NOL4: variants seen among roughly 807,000 people sequenced by gnomAD.
The protein encoded by NOL4 is nucleolar protein 4.
A neutral mutation model predicts 75.9 loss-of-function variants in NOL4; 17 were observed. That is an observed-to-expected ratio of 0.22 (90% confidence interval 0.15 to 0.34). NOL4 has a LOEUF of 0.34. Ranked by LOEUF, NOL4 falls within the 10% of genes least tolerant of loss-of-function variation. The pLI is 1.00. For synonymous variants in NOL4, 292 were observed against 289.9 expected (o/e 1.01, Z -0.07); for missense variants, 614 against 793.5 (o/e 0.77, Z 2.72).
At position 33,861,139 on chromosome 18, in the gene NOL4, G is replaced by C. The variant is rs1321383622; in HGVS notation, c.1724-8104C>G. ...GCCCGGCTTTGGTATCAGGATGATG[G>C]TGGCCTCATAAAATGAGTTAGGGAG... On this transcript the variant is annotated intron_variant, in intron 10 of 10. Coordinates refer to ENST00000261592, the MANE Select transcript of NOL4 (RefSeq NM_003787.5). Among the ~76,000 whole-genome samples, 12 of 152,090 alleles carry C rather than the reference G, an allele frequency of 7.9e-5. No individual in the cohort carries two copies. The East Asian group carries it at 1.5e-3, about 20-fold the overall frequency.
intron 10 of NOL4, among the ~76,000 whole-genome samples, chr18:33,863,963 C>A (rs2063307295): frequency 6.6e-6 from 1 of 152,324 alleles, no homozygotes. Context: ...AGGTCAATCA[C>A]CATGTGGAAG....
At chr18:34,049,072 G>GCACACA (rs1555704725) in intron 5 of NOL4, among the ~76,000 whole-genome samples, 7 of 126,260 alleles carry the variant, frequency 5.5e-5, no homozygotes, top group East Asian at 2.6e-4. Context: ...ATACAGGCGC[G>GCACACA]CGCACACACA....
chr18:34,125,330 TATATCATATATGTG>T (rs1234561288), intron 2 of NOL4, among the ~76,000 whole-genome samples: 2 of 152,188 alleles, frequency 1.3e-5, no homozygotes, highest in Non-Finnish European at 2.9e-5. Context: ...ACTACAGAAT[TATATCATATATGTG>T]AGTGAATTGT....
At chr18:34,190,310 C>A (rs935641616) in intron 1 of NOL4, among the ~76,000 whole-genome samples, 1 of 151,936 alleles carries the variant, frequency 6.6e-6, no homozygotes, top group Non-Finnish European at 1.5e-5. Context: ...TGTAACAGAT[C>A]GCATGCAAAT....
chr18:34,048,187 CATATA>C (rs2076466896), intron 5 of NOL4, among the ~76,000 whole-genome samples: 1 of 152,076 alleles, frequency 6.6e-6, no homozygotes, highest in Non-Finnish European at 1.5e-5. Flanking sequence ...ATGCCAAAAG[CATATA>C]ATATATTCTT....
chr18:33,958,452 T>C (rs753936612), intron 6 of NOL4, 34 bp from the exon 7 acceptor site: 1 of 1,547,984 alleles, frequency 6.5e-7, no homozygotes, highest in Non-Finnish European at 8.8e-7. Context: ...TGCTTTTAAA[T>C]TCATTGCACA....
intron 5 of NOL4, among the ~76,000 whole-genome samples, chr18:34,027,121 T>G (rs1167474217): frequency 4.6e-5 from 7 of 152,176 alleles, no homozygotes; most frequent in Admixed American, 3.3e-4. Context: ...AAGGCAGGCT[T>G]TAGAAAGAGT....
intron 5 of NOL4, among the ~76,000 whole-genome samples, chr18:34,019,912 G>C (rs2074941088): frequency 6.6e-6 from 1 of 151,668 alleles, no homozygotes; most frequent in Non-Finnish European, 1.5e-5. Context: ...CCATCCCCAT[G>C]GTAATGAGTG....
intron 9 of NOL4, among the ~76,000 whole-genome samples, chr18:33,930,020 A>G (rs1423177127): frequency 1.3e-5 from 2 of 152,130 alleles, no homozygotes; most frequent in African/African-American, 4.8e-5. Context: ...ACATGTACCA[A>G]CAGAATTCAG....
At chr18:33,891,308 G>C (rs945076556) in intron 9 of NOL4, among the ~76,000 whole-genome samples, 2 of 152,050 alleles carry the variant, frequency 1.3e-5, no homozygotes, top group African/African-American at 4.8e-5. Context: ...ATGGGTGAAG[G>C]CATATAAATA....
intron 1 of NOL4, among the ~76,000 whole-genome samples, chr18:34,164,893 A>G (rs1568411295): frequency 1.3e-5 from 2 of 152,112 alleles, no homozygotes; most frequent in Non-Finnish European, 2.9e-5. Context: ...CATATACACC[A>G]TGGAATACTA....
intron 5 of NOL4, among the ~76,000 whole-genome samples, chr18:34,050,689 G>A (rs898412220): frequency 6.6e-6 from 1 of 151,958 alleles, no homozygotes; most frequent in Non-Finnish European, 1.5e-5. Flanking sequence ...TTATTTTTAT[G>A]AGCCCTAATT....
intron 5 of NOL4, among the ~76,000 whole-genome samples, chr18:34,064,918 AACAC>A (rs66465203): frequency 0.26 from 25,214 of 95,356 alleles, 2,485 homozygotes; most frequent in East Asian, 0.51. Context: ...GGTATTTTTT[AACAC>A]ACACACACAC....
intron 1 of NOL4, among the ~76,000 whole-genome samples, chr18:34,154,816 A>G (rs1171245693): frequency 6.6e-6 from 1 of 151,976 alleles, no homozygotes; most frequent in Non-Finnish European, 1.5e-5. Flanking sequence ...AACTCTTTGG[A>G]ATGGCATTCT....
At chr18:33,976,204 T>C (rs1568156885) in intron 6 of NOL4, among the ~76,000 whole-genome samples, 1 of 152,250 alleles carries the variant, frequency 6.6e-6, no homozygotes, top group East Asian at 1.9e-4. Flanking sequence ...AACTGATCCT[T>C]GTGACCGTCT....
At chr18:34,193,441 C>T (rs2035067978) in intron 1 of NOL4, among the ~76,000 whole-genome samples, 1 of 152,100 alleles carries the variant, frequency 6.6e-6, no homozygotes, top group African/African-American at 2.4e-5. Context: ...TTTGAACAGA[C>T]ATTTCTCAAA....
chr18:34,016,825 T>C (rs993606988), intron 6 of NOL4, among the ~76,000 whole-genome samples: 7 of 152,140 alleles, frequency 4.6e-5, no homozygotes, highest in Admixed American at 4.6e-4. Context: ...ATCTTGCTCT[T>C]CTCATTTACA....
At chr18:34,196,864 T>C (rs1163670568) in intron 1 of NOL4, among the ~76,000 whole-genome samples, 1 of 152,218 alleles carries the variant, frequency 6.6e-6, no homozygotes, top group Admixed American at 6.5e-5. Flanking sequence ...TAACTCCTTA[T>C]ATACTTCTGA....
intron 1 of NOL4, among the ~76,000 whole-genome samples, chr18:34,219,407 G>A (rs2037142049): frequency 6.6e-6 from 1 of 152,168 alleles, no homozygotes; most frequent in Non-Finnish European, 1.5e-5. Flanking sequence ...TAAAAAGAGC[G>A]TTTAATAAAT....
Sources: allele counts gnomAD v4.1 joint callset (sites outside exome capture counted in the v4.1 genomes callset), GRCh38; gene constraint gnomAD v4.1.1; transcripts MANE v1.5; gene names NCBI Gene and HGNC (gene_info 2026-07-23, HGNC 2026-07-21).